Variants in TBX4 observed in about 807,000 individuals in gnomAD.
TBX4 encodes T-box transcription factor 4.
A neutral mutation model predicts 54.6 loss-of-function variants in TBX4; 13 were observed. The observed-to-expected ratio is 0.24, with a 90% CI of 0.15 to 0.38. The LOEUF (loss-of-function observed/expected upper bound fraction) is 0.38. TBX4 is among the 10% of genes least tolerant of loss of function. The pLI is 1.00. For synonymous variants in TBX4, 314 were observed against 306.7 expected (o/e 1.02, Z -0.25); for missense variants, 631 against 728.5 (o/e 0.87, Z 1.54).
intron 8 of TBX4, among the ~76,000 whole-genome samples, chr17:61,482,319 G>A (rs1260742661): frequency 6.6e-6 from 1 of 152,240 alleles, no homozygotes; most frequent in Non-Finnish European, 1.5e-5. Flanking sequence ...ACACTGTGGT[G>A]TTGGAATCTG....
rs549618124 is a variant in TBX4 at position 61,462,100 on chromosome 17, A to T, written c.282-3719A>T. On this transcript the variant is annotated intron_variant, in intron 3 of 8. Coordinates refer to ENST00000644296, the MANE Select transcript of TBX4 (RefSeq NM_001321120.2). This position sits in a 1 kb window ranked among gnomAD's most constrained non-coding sequence, Gnocchi z 4.5. ...CAGTTACGGGTTTGTTGCCAGAATT[A>T]AAAAAGCCCCAAACCCTTGCCCCGC... is the stretch of plus-strand genomic sequence containing the variant. Among the ~76,000 whole-genome samples the T allele has an allele frequency of 3.3e-5, 5 of 152,304 alleles. No homozygotes were observed. Among genetic ancestry groups the T allele is most frequent in the Admixed American group, 2.0e-4 (3 of 15,306 alleles).
chr17:61,465,970 C>A lies in TBX4; in HGVS notation c.401+32C>A, dbSNP rs747225002. 5 of 1,612,424 alleles carry A rather than the reference C, an allele frequency of 3.1e-6. No homozygotes were observed. The highest frequency in any genetic ancestry group is 2.2e-5 in the South Asian group (2 of 91,004). On this transcript the variant is annotated intron_variant, in intron 4 of 8. Transcript: ENST00000644296. The surrounding 1 kb of genome is among the most constrained non-coding windows in gnomAD (Gnocchi z 4.9). ...GGACCCTGACCGCATCACCCACGTT[C>A]CCTCAACTGCCCACTTGCCACGCCC... is the stretch of plus-strand genomic sequence containing the variant.
At chr17:61,467,425 T>G (rs12601641) in intron 4 of TBX4, 85 bp from the exon 5 acceptor site, 1 of 1,548,938 alleles carries the variant, frequency 6.5e-7, no homozygotes, top group Admixed American at 1.7e-5. Context: ...CTCTGGTCAA[T>G]GGGGGTTTGC....
intron 5 of TBX4, among the ~76,000 whole-genome samples, chr17:61,469,426 C>G (rs35396866): frequency 0.14 from 21,704 of 152,184 alleles, 1,697 homozygotes; most frequent in East Asian, 0.22. Context: ...GCCTGCCTGG[C>G]GCTTCCCTTG....
In TBX4 at chr17:61,484,926, TAGATA is replaced by T. The variant is rs2060692592; in HGVS notation, c.*1412_*1416del. Reference sequence around the variant, plus strand: ...TTGATATTAAAAACTAAGAATGGTTTAGATAAAACATATAAATAAATATATATATA... The same window carrying T: ...TTGATATTAAAAACTAAGAATGGTTTAAACATATAAATAAATATATATATA... On this transcript the variant is annotated 3_prime_UTR_variant, in exon 9 of 9. Transcript: ENST00000644296. The surrounding 1 kb of genome is among the most constrained non-coding windows in gnomAD (Gnocchi z 4.1). 1 of 137,362 alleles carries T rather than the reference TAGATA, an allele frequency of 7.3e-6. No individual in the cohort carries two copies. Among genetic ancestry groups the T allele is most frequent in the Non-Finnish European group, 1.5e-5 (1 of 65,140 alleles). 8.5% of individuals were successfully genotyped at this position (137,362 alleles called of 1,614,324 possible).
rs1001422498 is a variant in TBX4, at chr17:61,457,738, C to T, written c.281+107C>T. 2 of 1,054,934 alleles carry T rather than the reference C, an allele frequency of 1.9e-6. No individual in the cohort carries two copies. Among genetic ancestry groups the T allele is most frequent in the Admixed American group, 2.0e-5 (1 of 49,148 alleles). The allele number at this position is 1,054,934 out of a possible 1,614,324, so 65.3% of individuals were successfully genotyped here. ...CCCGGCCTGGTGGCCTGTGGGAGGC[C>T]TCTCTGCCTCCTCGGGCGTCAGTGC... On this transcript the variant is annotated intron_variant, in intron 3 of 8. Coordinates refer to ENST00000644296, the MANE Select transcript of TBX4 (RefSeq NM_001321120.2). This position sits in a 1 kb window ranked among gnomAD's most constrained non-coding sequence, Gnocchi z 8.2.
At chr17:61,463,490 G>A (rs2060513420) in intron 3 of TBX4, 1 of 152,372 alleles carries the variant, frequency 6.6e-6, no homozygotes, top group African/African-American at 2.4e-5. Context: ...CAGAGAACAG[G>A]CTCCTCAAAG....
Position 61,465,725 on chromosome 17 carries a change from C to CT in TBX4, c.282-94_282-93insT. On this transcript the variant is annotated intron_variant, in intron 3 of 8. Transcript: ENST00000644296. This position sits in a 1 kb window ranked among gnomAD's most constrained non-coding sequence, Gnocchi z 4.9. The stretch of plus-strand genomic sequence containing the variant: ...CCAGGATCGCTGGCCAAAAGGGCAG[C>CT]ATCTGTTAGCGGCCTTCTGCCCCCT... 6.5e-7 allele frequency: 1 copy of CT among 1,534,262 alleles called. No individual in the cohort carries two copies. Among genetic ancestry groups the CT allele is most frequent in the South Asian group, 1.1e-5 (1 of 89,136 alleles).
intron 1 of TBX4, among the ~76,000 whole-genome samples, chr17:61,453,947 G>A (rs1015800147): frequency 1.3e-5 from 2 of 152,190 alleles, no homozygotes; most frequent in African/African-American, 4.8e-5. Context: ...CAACGGAAAC[G>A]TATTAGGGAT....
chr17:61,480,072 T>C lies in TBX4; in HGVS notation c.792-18T>C, dbSNP rs3744439. 0.076 allele frequency: 122,262 copies of C among 1,612,548 alleles called. 5,114 individuals carry two copies. Among genetic ancestry groups the C allele is most frequent in the Admixed American group, 0.13 (7,850 of 59,998 alleles). On this transcript the variant is annotated intron_variant, in intron 7 of 8. Transcript: ENST00000644296. This position sits in a 1 kb window ranked among gnomAD's most constrained non-coding sequence, Gnocchi z 6.2. ...CACTCTCTTCCTGTCTCTCCTCCTG[T>C]CCTCCCCACCCCTTCAGCAAAGAAT...
intron 1 of TBX4, chr17:61,453,005 T>C (rs1213238999): frequency 3.0e-6 from 3 of 985,124 alleles, no homozygotes; most frequent in Admixed American, 6.1e-5. Context: ...ATCAGAACAC[T>C]AGACTCAGAG....
Position 61,478,537 on chromosome 17 carries a change from A to G in TBX4, c.550-90A>G, listed in dbSNP as rs2060638618. On this transcript the variant is annotated intron_variant, in intron 5 of 8. Transcript: ENST00000644296. The surrounding 1 kb of genome is among the most constrained non-coding windows in gnomAD (Gnocchi z 7.4). Reference sequence around the variant, plus strand: ...ATCCTGGGCTTTGAGGAGAATGAGAAAAACCAGGCCAGGGCCAGAAGAATG... The same window carrying G: ...ATCCTGGGCTTTGAGGAGAATGAGAGAAACCAGGCCAGGGCCAGAAGAATG... 1.3e-6 allele frequency: 2 copies of G among 1,582,644 alleles called. No homozygotes were observed. Among genetic ancestry groups the G allele is most frequent in the African/African-American group, 1.3e-5 (1 of 74,340 alleles).
Position 61,483,362 on chromosome 17 carries a change from G to A in TBX4, c.1487G>A (p.Arg496His), listed in dbSNP as rs1447545911. 2.2e-5 allele frequency: 36 copies of A among 1,608,468 alleles called. No individual in the cohort carries two copies. The highest frequency in any genetic ancestry group is 3.0e-5 in the Non-Finnish European group (35 of 1,176,046). Residue 496 changes from arginine to histidine, a missense_variant, in exon 9 of 9, where the codon CGC (arginine) becomes CAC (histidine). Physicochemically the swap from Arg to His is conservative, Grantham distance 29. This residue lies in a region of TBX4 where 354 missense variants were observed against 368.9 expected (regional missense o/e 0.96). Transcript: ENST00000644296. The surrounding 1 kb of genome is among the most constrained non-coding windows in gnomAD (Gnocchi z 6.6). Reference sequence around the variant, plus strand: ...CCCAGCGCCTCATTCCCAAGAGAGCGCGGCCTCCCCCAAGGGTGTGAGAGG... The same window carrying A: ...CCCAGCGCCTCATTCCCAAGAGAGCACGGCCTCCCCCAAGGGTGTGAGAGG... The part of the protein sequence containing the change: ...RGPSASFPRE[R>H]GLPQGCERKP...
At position 61,476,095 on chromosome 17, in the gene TBX4, G is replaced by T. The variant is rs762777847; in HGVS notation, c.550-2532G>T. ...CTAGATCCTGTCTGGGGGCAAAGGA[G>T]CCTGGAGGTACAAAAGGATAAAAGG... On this transcript the variant is annotated intron_variant, in intron 5 of 8. Transcript: ENST00000644296. The surrounding 1 kb of genome is among the most constrained non-coding windows in gnomAD (Gnocchi z 6.5). Among the ~76,000 whole-genome samples, 1 of 152,312 alleles carries T rather than the reference G, an allele frequency of 6.6e-6. No individual in the cohort carries two copies. Among genetic ancestry groups the T allele is most frequent in the East Asian group, 1.9e-4 (1 of 5,178 alleles).
In TBX4 at chr17:61,461,382, A is replaced by G. The variant is rs1430867230; in HGVS notation, c.281+3751A>G. On this transcript the variant is annotated intron_variant, in intron 3 of 8. Transcript: ENST00000644296. This position sits in a 1 kb window ranked among gnomAD's most constrained non-coding sequence, Gnocchi z 5.1. ...TGGTCTCAGTGTAGGTGGCACCAGC[A>G]GCCCCACTCCTAACCCCAGCCTTGG... is the stretch of plus-strand genomic sequence containing the variant. Among the ~76,000 whole-genome samples the G allele has an allele frequency of 6.6e-6, 1 of 152,200 alleles. No individual in the cohort carries two copies. Among genetic ancestry groups the G allele is most frequent in the Non-Finnish European group, 1.5e-5 (1 of 68,036 alleles).
chr17:61,457,569 G>A lies in TBX4; in HGVS notation c.219G>A (p.Glu73=), dbSNP rs1310529712. ...AGAACATCAAGGTGGGGCTGCATGA[G>A]AAGGAGCTCTGGAAGAAGTTCCACG... The part of the protein sequence containing the change: ...TIENIKVGLH[E]KELWKKFHEA... Residue 73 remains glutamate, a synonymous_variant, in exon 3 of 9, where the codon GAG becomes GAA. Coordinates refer to ENST00000644296, the MANE Select transcript of TBX4 (RefSeq NM_001321120.2). The surrounding 1 kb of genome is among the most constrained non-coding windows in gnomAD (Gnocchi z 8.2). The A allele has an allele frequency of 1.2e-6, 2 of 1,614,008 alleles. No homozygotes were observed. The highest frequency in any genetic ancestry group is 1.1e-5 in the South Asian group (1 of 91,052).
chr17:61,485,095 A>T lies in TBX4; in HGVS notation c.*1579A>T, dbSNP rs2060694831. 1 of 152,112 alleles carries T rather than the reference A, an allele frequency of 6.6e-6. No individual in the cohort carries two copies. Among genetic ancestry groups the T allele is most frequent in the Non-Finnish European group, 1.5e-5 (1 of 68,012 alleles). 9.4% of individuals were successfully genotyped at this position (152,112 alleles called of 1,614,324 possible). Reference sequence around the variant, plus strand: ...ATTTTGCATATCGGAACATAAAGCCATTTTACAACTGTGAAGTGTGTGGAT... The same window carrying T: ...ATTTTGCATATCGGAACATAAAGCCTTTTTACAACTGTGAAGTGTGTGGAT... On this transcript the variant is annotated 3_prime_UTR_variant, in exon 9 of 9. Coordinates refer to ENST00000644296, the MANE Select transcript of TBX4 (RefSeq NM_001321120.2). This position sits in a 1 kb window ranked among gnomAD's most constrained non-coding sequence, Gnocchi z 4.6.
chr17:61,455,521 G>C (rs185890209), intron 1 of TBX4, among the ~76,000 whole-genome samples: 1 of 152,242 alleles, frequency 6.6e-6, no homozygotes, highest in African/African-American at 2.4e-5. Flanking sequence ...GACCTGCTTC[G>C]GGCAGGGAGC....
chr17:61,469,276 C>G (rs2060558774), intron 5 of TBX4, among the ~76,000 whole-genome samples: 1 of 152,150 alleles, frequency 6.6e-6, no homozygotes, highest in Non-Finnish European at 1.5e-5. Flanking sequence ...CCAGCAGTAG[C>G]TTTTCACAGC....
Sources: gnomAD v4.1 joint callset for allele counts (sites outside exome capture counted in the v4.1 genomes callset) on GRCh38, gnomAD v4.1.1 for gene constraint, gnomAD v4.1.1 regional missense constraint, Gnocchi (gnomAD v3.1) non-coding constraint, MANE v1.5 for transcripts, NCBI Gene and HGNC (gene_info 2026-07-23, HGNC 2026-07-21) for gene names.